The following PPFIBP2 variants were observed in gnomAD, a reference collection of about 807,000 sequenced individuals.
The protein encoded by PPFIBP2 is liprin-beta-2.
Under a neutral mutation model 118.3 loss-of-function variants are expected in PPFIBP2, and 118 were observed. That is an observed-to-expected ratio of 1.00 (90% CI 0.86 to 1.16). The LOEUF (loss-of-function observed/expected upper bound fraction) is 1.16. Ranked by LOEUF, PPFIBP2 falls within the 50% of genes most tolerant of loss-of-function variation. The pLI, the probability that PPFIBP2 is intolerant of heterozygous loss-of-function variation, is 0.00. For synonymous variants in PPFIBP2, 414 were observed against 397.4 expected (o/e 1.04, Z -0.50); for missense variants, 1,195 against 1,073.1 (o/e 1.11, Z -1.59).
intron 6 of PPFIBP2, among the ~76,000 whole-genome samples, chr11:7,617,910 C>T (rs1050413729): frequency 1.5e-5 from 2 of 132,860 alleles, no homozygotes; most frequent in Admixed American, 7.4e-5. Flanking sequence ...GGACTTGGCT[C>T]TCCACACGGG....
At chr11:7,602,469 C>T (rs1846788530) in intron 5 of PPFIBP2, among the ~76,000 whole-genome samples, 1 of 152,162 alleles carries the variant, frequency 6.6e-6, no homozygotes. Context: ...TAGTAGGTTC[C>T]TGCACAATAA....
intron 2 of PPFIBP2, among the ~76,000 whole-genome samples, chr11:7,562,921 T>A (rs1854454333): frequency 8.1e-6 from 1 of 124,206 alleles, no homozygotes; most frequent in Non-Finnish European, 1.7e-5. Flanking sequence ...GAAATAGAAA[T>A]TAAAGTTTTA....
At chr11:7,660,885 T>C (rs1218556234), downstream of PPFIBP2, among the ~76,000 whole-genome samples, 1 of 151,950 alleles carries the variant, frequency 6.6e-6, no homozygotes, top group Non-Finnish European at 1.5e-5. Flanking sequence ...GGAGAGTGTA[T>C]GTGTCGAGGA....
intron 1 of PPFIBP2, among the ~76,000 whole-genome samples, chr11:7,547,743 C>T (rs1025724097): frequency 2.6e-5 from 4 of 152,146 alleles, no homozygotes; most frequent in African/African-American, 9.7e-5. Flanking sequence ...ACCCTGTGAG[C>T]TCCCATTCTC....
chr11:7,549,838 C>G (rs1276426620), intron 2 of PPFIBP2, among the ~76,000 whole-genome samples: 3 of 152,092 alleles, frequency 2.0e-5, no homozygotes, highest in African/African-American at 7.2e-5. Flanking sequence ...GAGACTGATT[C>G]TAATGTAAAA....
chr11:7,516,717 C>T (rs540435568), intron 1 of PPFIBP2, among the ~76,000 whole-genome samples: 3 of 152,096 alleles, frequency 2.0e-5, no homozygotes, highest in Non-Finnish European at 4.4e-5. Flanking sequence ...CCAGACGGCC[C>T]CTCTCTCTGT....
chr11:7,583,088 C>G (rs994435377), intron 3 of PPFIBP2, among the ~76,000 whole-genome samples: 1 of 152,242 alleles, frequency 6.6e-6, no homozygotes, highest in Non-Finnish European at 1.5e-5. Context: ...GCTCGTTCAT[C>G]TCTACTCCCT....
chr11:7,546,127 A>G (rs554487139), intron 1 of PPFIBP2, among the ~76,000 whole-genome samples: 1 of 152,228 alleles, frequency 6.6e-6, no homozygotes, highest in South Asian at 2.1e-4. Context: ...CCCTTGCCCT[A>G]TGTATCTCTT....
chr11:7,541,167 T>C (rs1174268767), intron 1 of PPFIBP2, among the ~76,000 whole-genome samples: 14 of 152,228 alleles, frequency 9.2e-5, no homozygotes. Flanking sequence ...CCCGAATGGC[T>C]AGATCAGCCA....
chr11:7,631,630 G>A (rs1165150729), intron 11 of PPFIBP2, among the ~76,000 whole-genome samples: 2 of 152,118 alleles, frequency 1.3e-5, no homozygotes, highest in African/African-American at 4.8e-5. Context: ...TCAGGTGAAG[G>A]AGGGGCTTCA....
chr11:7,534,502 T>C (rs1403715274), intron 1 of PPFIBP2, among the ~76,000 whole-genome samples: 2 of 152,004 alleles, frequency 1.3e-5, no homozygotes, highest in Non-Finnish European at 2.9e-5. Context: ...TGGAGGTAAA[T>C]TGTGTGTATG....
intron 15 of PPFIBP2, 111 bp downstream of exon 15, chr11:7,639,981 G>C: frequency 6.9e-7 from 1 of 1,445,056 alleles, no homozygotes; most frequent in Non-Finnish European, 9.2e-7. Context: ...GAGAATGGTG[G>C]GGTGGGTGGC....
chr11:7,584,711 G>A (rs1313055807), intron 3 of PPFIBP2, among the ~76,000 whole-genome samples: 2 of 152,194 alleles, frequency 1.3e-5, no homozygotes, highest in African/African-American at 4.8e-5. Flanking sequence ...GGAATTGACT[G>A]TAGCTTTTGT....
At position 7,625,781 on chromosome 11, in the gene PPFIBP2, A is replaced by G. The variant is rs1849920337; in HGVS notation, c.716A>G (p.Glu239Gly). The change falls in exon 8 of 24, where the codon GAA becomes GGA. Residue 239 changes from glutamate (E) to glycine (G), a missense_variant. Glu to Gly is a moderately conservative substitution (Grantham distance 98). Coordinates refer to ENST00000299492, the MANE Select transcript of PPFIBP2 (RefSeq NM_003621.5). ...YEWKLKATKA[E>G]VAQLQEQVAL... Reference sequence around the variant, plus strand: ...GATCCTCTGTTGCTCTTCCAGGCTGAAGTCGCCCAGCTGCAAGAACAGGTG... The same window carrying G: ...GATCCTCTGTTGCTCTTCCAGGCTGGAGTCGCCCAGCTGCAAGAACAGGTG... The G allele has an allele frequency of 5.6e-6, 9 of 1,613,950 alleles. No homozygotes were observed. Among genetic ancestry groups the G allele is most frequent in the Non-Finnish European group, 7.6e-6 (9 of 1,179,940 alleles).
intron 5 of PPFIBP2, among the ~76,000 whole-genome samples, chr11:7,603,938 C>T (rs757720295): frequency 1.3e-5 from 2 of 152,174 alleles, no homozygotes; most frequent in African/African-American, 2.4e-5. Flanking sequence ...CCTGTGAAGC[C>T]TTTGCCCCTT....
chr11:7,651,556 TG>T, intron 22 of PPFIBP2, 99 bp from the exon 23 acceptor site: 2 of 1,099,824 alleles, frequency 1.8e-6, no homozygotes, highest in Non-Finnish European at 2.6e-6. Flanking sequence ...GTCCCTCCTC[TG>T]GAGGCACCCC....
chr11:7,564,165 CAAAAA>C (rs199904165), intron 2 of PPFIBP2, among the ~76,000 whole-genome samples: 1 of 131,530 alleles, frequency 7.6e-6, no homozygotes, highest in African/African-American at 2.8e-5. Context: ...GACTCCGTCT[CAAAAA>C]AAAAAAAAGA....
intron 3 of PPFIBP2, among the ~76,000 whole-genome samples, chr11:7,574,199 C>T (rs537898754): frequency 1.3e-5 from 2 of 152,174 alleles, no homozygotes; most frequent in East Asian, 1.9e-4. Flanking sequence ...ATGTTGCAGG[C>T]AGTAATGAAT....
intron 7 of PPFIBP2, 67 bp downstream of exon 7, chr11:7,621,094 C>T: frequency 7.8e-7 from 1 of 1,286,452 alleles, no homozygotes; most frequent in Non-Finnish European, 1.1e-6. Flanking sequence ...TGCATTCCAA[C>T]TTGGGGGTTT....
Sources: gnomAD v4.1 joint callset for allele counts (sites outside exome capture counted in the v4.1 genomes callset) on GRCh38, gnomAD v4.1.1 for gene constraint, MANE v1.5 for transcripts, NCBI Gene and HGNC (gene_info 2026-07-23, HGNC 2026-07-21) for gene names.